C5orf47: variants seen among roughly 807,000 people sequenced by gnomAD.
C5orf47 encodes the protein uncharacterized protein C5orf47.
C5orf47 carries 20 observed loss-of-function variants against 20.6 expected under a neutral mutation model. The ratio of observed to expected loss-of-function variants is 0.97; its 90% CI spans 0.68 to 1.41. The LOEUF is 1.41. Ranked by LOEUF, C5orf47 falls within the 40% of genes most tolerant of loss-of-function variation. The pLI is 0.00. For synonymous variants in C5orf47, 106 were observed against 97.3 expected, an observed-to-expected ratio of 1.09 and a Z score of -0.53; for missense variants, 262 against 238.4, an observed-to-expected ratio of 1.10 and a Z score of -0.65.
chr5:173,998,226 G>GA lies in C5orf47; in HGVS notation c.404dup (p.Lys136GlufsTer8). ...TGAATGAAGCTTCCAAAATAATGAA[G>GA]AAAAAGAAAAAGGTATATTGCTGTA... On this transcript the variant is annotated frameshift_variant, in exon 2 of 5. Coordinates refer to ENST00000340147, the MANE Select transcript of C5orf47 (RefSeq NM_001144954.2). LOFTEE classifies it high-confidence loss of function. 1 of 1,506,764 alleles carries GA rather than the reference G, an allele frequency of 6.6e-7. No individual in the cohort carries two copies. Among genetic ancestry groups the GA allele is most frequent in the Admixed American group, 2.1e-5 (1 of 47,172 alleles). The allele number at this position is 1,506,764 out of a possible 1,614,324, so 93.3% of individuals were successfully genotyped here.
chr5:174,007,519 TACTTA>T (rs1320812155), downstream of C5orf47, among the ~76,000 whole-genome samples: 1 of 152,084 alleles, frequency 6.6e-6, no homozygotes, highest in Non-Finnish European at 1.5e-5. Context: ...AGACAGTATT[TACTTA>T]AGGTTTTGCC....
chr5:173,998,841 C>T (rs567661148), intron 2 of C5orf47, among the ~76,000 whole-genome samples: 1 of 152,296 alleles, frequency 6.6e-6, no homozygotes, highest in Admixed American at 6.5e-5. Flanking sequence ...GATAGTGACA[C>T]ATAACATTGT....
At position 173,998,239 on chromosome 5, in the gene C5orf47, G is replaced by GTA. The variant is rs900696169; in HGVS notation, c.411+5_411+6dup. ...CAAAATAATGAAGAAAAAGAAAAAG[G>GTA]TATATTGCTGTAAAGGAGAATGAGC... On this transcript the variant is annotated splice_donor_variant, in intron 2 of 4. Transcript: ENST00000340147. LOFTEE classifies it high-confidence loss of function. The GTA allele has an allele frequency of 2.8e-6, 4 of 1,454,360 alleles. No homozygotes were observed. In the African/African-American group the frequency reaches 5.7e-5, roughly 21 times the overall value. The allele number at this position is 1,454,360 out of a possible 1,614,324, so 90.1% of individuals were successfully genotyped here.
At chr5:174,002,747 C>T (rs1299204627) in intron 4 of C5orf47, among the ~76,000 whole-genome samples, 1 of 151,928 alleles carries the variant, frequency 6.6e-6, no homozygotes, top group Non-Finnish European at 1.5e-5. Context: ...TCCCTATTGC[C>T]CCAATAGTGT....
At chr5:174,004,181 A>C (rs1333078654) in intron 4 of C5orf47, 90 bp from the exon 5 acceptor site, 1 of 152,342 alleles carries the variant, frequency 6.6e-6, no homozygotes, top group Non-Finnish European at 1.5e-5. Context: ...CTGTTGCTTT[A>C]TAGCCTTAGA....
intron 2 of C5orf47, among the ~76,000 whole-genome samples, chr5:173,999,095 T>G (rs1024329994): frequency 2.0e-5 from 3 of 152,184 alleles, no homozygotes; most frequent in Non-Finnish European, 4.4e-5. Flanking sequence ...TAAATATTTT[T>G]TCCTTAATTC....
rs1451357782 is a variant in C5orf47 at position 174,004,956 on chromosome 5, G to T, written c.*702G>T. The T allele has an allele frequency of 6.6e-6, 1 of 152,156 alleles. No individual in the cohort carries two copies. Among genetic ancestry groups the T allele is most frequent in the Non-Finnish European group, 1.5e-5 (1 of 68,026 alleles). The allele number at this position is 152,156 out of a possible 1,614,324, so 9.4% of individuals were successfully genotyped here. ...CCCCTAAGTAATACATTATTTTTAA[G>T]TCAATGAATGAGAGGATTAGAATTC... is the stretch of plus-strand genomic sequence containing the variant. On this transcript the variant is annotated 3_prime_UTR_variant, in exon 5 of 5. Transcript: ENST00000340147.
chr5:173,999,302 T>C (rs889509596), intron 2 of C5orf47, among the ~76,000 whole-genome samples: 4 of 152,164 alleles, frequency 2.6e-5, no homozygotes, highest in African/African-American at 4.8e-5. Context: ...AATTCTTAAC[T>C]GGAATAAAAT....
chr5:173,991,779 C>G (rs1561646325), intron 1 of C5orf47, among the ~76,000 whole-genome samples: 1 of 152,044 alleles, frequency 6.6e-6, no homozygotes, highest in Non-Finnish European at 1.5e-5. Context: ...TTTCTTTGTA[C>G]TCCTTTATCT....
At chr5:174,007,206 A>G (rs1418136132), downstream of C5orf47, among the ~76,000 whole-genome samples, 1 of 152,148 alleles carries the variant, frequency 6.6e-6, no homozygotes, top group East Asian at 1.9e-4. Flanking sequence ...GAGGAAGGAC[A>G]AGTAGAAATG....
At chr5:173,995,706 A>T (rs749478985) in intron 1 of C5orf47, among the ~76,000 whole-genome samples, 2 of 152,274 alleles carry the variant, frequency 1.3e-5, no homozygotes, top group Non-Finnish European at 2.9e-5. Context: ...GATGGTGATT[A>T]GCATGTCTAG....
At chr5:174,003,024 T>C (rs1370259906) in intron 4 of C5orf47, among the ~76,000 whole-genome samples, 1 of 152,228 alleles carries the variant, frequency 6.6e-6, no homozygotes, top group Non-Finnish European at 1.5e-5. Context: ...TCCCAAAGGA[T>C]TGCATCTTGA....
At chr5:173,997,707 A>AGG (rs988921283) in intron 1 of C5orf47, among the ~76,000 whole-genome samples, 52 of 150,404 alleles carry the variant, frequency 3.5e-4, no homozygotes, top group African/African-American at 1.2e-3. Context: ...TTTGCCTGGG[A>AGG]GGGTGTGTGT....
intron 4 of C5orf47, 150 bp downstream of exon 4, chr5:174,001,381 C>T (rs1759194022): frequency 1.7e-6 from 1 of 574,926 alleles, no homozygotes. Context: ...ACATAGTAGG[C>T]ACTCATTATA....
rs1242002216 is a variant in C5orf47 at position 174,005,557 on chromosome 5, C to T, written c.*1303C>T. 2.6e-5 allele frequency: 4 copies of T among 152,294 alleles called. No homozygotes were observed. The highest frequency in any genetic ancestry group is 4.4e-5 in the Non-Finnish European group (3 of 68,022). 9.4% of individuals were successfully genotyped at this position (152,294 alleles called of 1,614,324 possible). On this transcript the variant is annotated 3_prime_UTR_variant, in exon 5 of 5. Transcript: ENST00000340147. Reference sequence around the variant, plus strand: ...CCATGTAGGCTCTCAAGTTTCCCTGCATTGAGGGTCACACAACTTCTTTAT... The same window carrying T: ...CCATGTAGGCTCTCAAGTTTCCCTGTATTGAGGGTCACACAACTTCTTTAT...
At position 173,989,872 on chromosome 5, in the gene C5orf47, G is replaced by A. The variant is rs77546831; in HGVS notation, c.325+284G>A. On this transcript the variant is annotated intron_variant, in intron 1 of 4. Transcript: ENST00000340147. Reference sequence around the variant, plus strand: ...GCCTGCGTGTTTCCGTTCCAGCTGAGTGAGATTCGTTGACTTCGCAAACCC... The same window carrying A: ...GCCTGCGTGTTTCCGTTCCAGCTGAATGAGATTCGTTGACTTCGCAAACCC... Among the ~76,000 whole-genome samples, 773 of 152,314 alleles carry A rather than the reference G, an allele frequency of 5.1e-3. 5 individuals carry two copies. The highest frequency in any genetic ancestry group is 0.018 in the African/African-American group (728 of 41,566).
chr5:173,989,549 T>C lies in C5orf47; in HGVS notation c.286T>C (p.Ser96Pro). The change falls in exon 1 of 5, where the codon TCG (serine) becomes CCG (proline). Residue 96 changes from serine (S) to proline (P), a missense_variant. Coordinates refer to ENST00000340147, the MANE Select transcript of C5orf47 (RefSeq NM_001144954.2). ...CTCTGCCTCCTCCCAGCTGCGGGCA[T>C]CGAGAGTTCAGAGCGGCACCAGACA... ...AASASSQLRA[S>P]RVQSGTRQSA... 1 of 1,514,580 alleles carries C rather than the reference T, an allele frequency of 6.6e-7. No individual in the cohort carries two copies. Among genetic ancestry groups the C allele is most frequent in the Non-Finnish European group, 8.8e-7 (1 of 1,131,230 alleles). The allele number at this position is 1,514,580 out of a possible 1,614,324, so 93.8% of individuals were successfully genotyped here. A position where few individuals can be genotyped will look rare whatever the true frequency, so the allele number is the denominator to read the frequency against.
intron 1 of C5orf47, among the ~76,000 whole-genome samples, chr5:173,990,470 T>C (rs1758972595): frequency 6.6e-6 from 1 of 152,084 alleles, no homozygotes; most frequent in African/African-American, 2.4e-5. Context: ...AGTCTTGCCC[T>C]GTTGCCCAGA....
intron 4 of C5orf47, among the ~76,000 whole-genome samples, chr5:174,002,554 T>G (rs1230284160): frequency 6.6e-6 from 1 of 151,842 alleles, no homozygotes; most frequent in Non-Finnish European, 1.5e-5. Flanking sequence ...TTACTAAGAT[T>G]TGCTGTTTTT....
Sources: gnomAD v4.1 joint callset for allele counts (sites outside exome capture counted in the v4.1 genomes callset) on GRCh38, gnomAD v4.1.1 for gene constraint, MANE v1.5 for transcripts, NCBI Gene and HGNC (gene_info 2026-07-23, HGNC 2026-07-21) for gene names.